The following PIR variants were observed in gnomAD, a reference collection of about 807,000 sequenced individuals.
PIR encodes pirin.
In PIR, 22 loss-of-function variants were observed where a neutral mutation model predicts 24.2. The observed-to-expected ratio is 0.91, with a 90% CI of 0.65 to 1.30. The LOEUF (loss-of-function observed/expected upper bound fraction) is 1.30, where lower values mean the gene tolerates loss of function less well. Among genes scored for constraint, PIR ranks in the 50% most tolerant of loss-of-function variants. The probability of loss-of-function intolerance (pLI) is 0.00; values close to 1 mark genes in which losing one functional copy is unlikely to be tolerated. For synonymous variants in PIR, 80 were observed against 79.6 expected (o/e 1.00, Z -0.03); for missense variants, 220 against 220.3 (o/e 1.00, Z 0.01).
At chrX:15,467,168 T>C (rs911464488) in intron 3 of PIR, among the ~76,000 whole-genome samples, 1 of 112,684 alleles carries the variant, frequency 8.9e-6, no homozygotes, top group Admixed American at 9.4e-5. Flanking sequence ...ACAAAGCATC[T>C]GATCCTGGAA....
Position 15,479,715 on chromosome X carries a change from A to G in PIR, c.189+14T>C, listed in dbSNP as rs753486737. The G allele has an allele frequency of 5.2e-6, 5 of 959,837 alleles. No homozygotes were observed. The highest frequency in any genetic ancestry group is 7.3e-6 in the Non-Finnish European group (5 of 686,374). The allele number at this position is 959,837 out of a possible 1,213,427, so 79.1% of individuals were successfully genotyped here. ...TCAAAATACACACTTCTGCAGTCAA[A>G]TTATTGTACTTACTGTTTCAAAACC... On this transcript the variant is annotated intron_variant, in intron 3 of 9. Transcript: ENST00000380420.
intron 2 of PIR, among the ~76,000 whole-genome samples, chrX:15,490,007 T>C (rs1252959562): frequency 9.0e-6 from 1 of 111,513 alleles, no homozygotes; most frequent in East Asian, 2.8e-4. Flanking sequence ...TTGCACAAAA[T>C]GGTGACTATA....
In PIR at chrX:15,446,544, C is replaced by T. The variant is rs764609673; in HGVS notation, c.480+9304G>A. On this transcript the variant is annotated intron_variant, in intron 5 of 9. Transcript: ENST00000380420. The stretch of plus-strand genomic sequence containing the variant: ...ATATAAATTTGCGTTGGGCCATATT[C>T]AAAGTTGTCCTGGGCCGCGAGTTGA... Among the ~76,000 whole-genome samples the T allele has an allele frequency of 9.8e-5, 11 of 111,972 alleles. No individual in the cohort carries two copies. In the South Asian group the frequency reaches 1.1e-3, roughly 11 times the overall value.
At chrX:15,447,213 T>C (rs776052942) in intron 5 of PIR, among the ~76,000 whole-genome samples, 18 of 112,708 alleles carry the variant, frequency 1.6e-4, no homozygotes, top group Admixed American at 1.3e-3. Flanking sequence ...CAAGGATTTC[T>C]GCTTTGGTCA....
intron 4 of PIR, 116 bp from the exon 5 acceptor site, chrX:15,456,170 C>G: frequency 1.6e-6 from 1 of 613,099 alleles, no homozygotes; most frequent in Non-Finnish European, 2.6e-6. Context: ...GCTATCAGAG[C>G]CCCTGGGCAT....
rs1569191440 is a variant in PIR, at chrX:15,390,198, T to C, written c.747A>G (p.Pro249=). 1 of 1,138,264 alleles carries C rather than the reference T, an allele frequency of 8.8e-7. No homozygotes were observed. The highest frequency in any genetic ancestry group is 1.2e-6 in the Non-Finnish European group (1 of 841,880). 93.8% of individuals were successfully genotyped at this position (1,138,264 alleles called of 1,213,427 possible). Residue 249 remains proline (P), a synonymous_variant, in exon 9 of 10, where the codon CCA becomes CCG. Coordinates refer to ENST00000380420, the MANE Select transcript of PIR (RefSeq NM_001018109.3). ...TTTTGGTCTTACCATGTTGGATAAC[T>C]GGTTCTCTTAATGGCTCCCCAGCAA... is the stretch of plus-strand genomic sequence containing the variant. ...VLIAGEPLRE[P]VIQHGPFVMN...
intron 3 of PIR, among the ~76,000 whole-genome samples, chrX:15,469,348 G>A (rs778081419): frequency 1.7e-3 from 185 of 110,684 alleles, no homozygotes; most frequent in African/African-American, 5.8e-3. Flanking sequence ...TCTTTCTTTC[G>A]TTCTGGCCCA....
chrX:15,480,379 T>C (rs1195293775), intron 2 of PIR, among the ~76,000 whole-genome samples: 3 of 111,820 alleles, frequency 2.7e-5, no homozygotes, highest in African/African-American at 9.8e-5. Flanking sequence ...ATTTACGGAT[T>C]GTGTTAGAGA....
chrX:15,432,972 G>C (rs180697097), intron 5 of PIR, among the ~76,000 whole-genome samples: 48 of 112,698 alleles, frequency 4.3e-4, no homozygotes, highest in Middle Eastern at 4.6e-3. Context: ...AGATGGAGAA[G>C]ACTGGAAGAG....
chrX:15,457,459 T>C (rs1344342098), intron 4 of PIR, among the ~76,000 whole-genome samples: 1 of 112,053 alleles, frequency 8.9e-6, no homozygotes, highest in Non-Finnish European at 1.9e-5. Flanking sequence ...ATGTCATGCA[T>C]ATCATTATTG....
At chrX:15,424,262 G>A (rs1399914559) in intron 6 of PIR, among the ~76,000 whole-genome samples, 1 of 112,135 alleles carries the variant, frequency 8.9e-6, no homozygotes, top group African/African-American at 3.2e-5. Context: ...GTCATCTGCA[G>A]CAACCTGGAG....
At chrX:15,414,309 C>T (rs1200999660) in intron 6 of PIR, among the ~76,000 whole-genome samples, 1 of 112,271 alleles carries the variant, frequency 8.9e-6, no homozygotes, top group Non-Finnish European at 1.9e-5. Flanking sequence ...CTCATCAAGA[C>T]ATTTAATAAA....
chrX:15,385,123 C>A lies in PIR; in HGVS notation c.761-7G>T. 1.0e-6 allele frequency: 1 copy of A among 975,387 alleles called. No individual in the cohort carries two copies. Among genetic ancestry groups the A allele is most frequent in the Non-Finnish European group, 1.4e-6 (1 of 690,361 alleles). 80.4% of individuals were successfully genotyped at this position (975,387 alleles called of 1,213,427 possible). On this transcript the variant is annotated splice_polypyrimidine_tract_variant and splice_region_variant and intron_variant, in intron 9 of 9. Coordinates refer to ENST00000380420, the MANE Select transcript of PIR (RefSeq NM_001018109.3). Reference sequence around the variant, plus strand: ...GTGTTCATCACAAATGGACCTAGGGCAGAAAGAGACATTCAGAAAGTTCTG... The same window carrying A: ...GTGTTCATCACAAATGGACCTAGGGAAGAAAGAGACATTCAGAAAGTTCTG...
chrX:15,488,274 G>A (rs754698526), intron 2 of PIR, among the ~76,000 whole-genome samples: 6 of 64,133 alleles, frequency 9.4e-5, no homozygotes, highest in African/African-American at 2.4e-4. Context: ...GCGAAACTCC[G>A]TCTCAAAAAA....
chrX:15,409,139 C>T (rs1339869509), intron 6 of PIR, among the ~76,000 whole-genome samples: 1 of 100,028 alleles, frequency 1.0e-5, no homozygotes, highest in African/African-American at 3.8e-5. Context: ...CACTCTGTTG[C>T]CCAGGCTGGA....
chrX:15,478,139 T>C (rs895732602), intron 3 of PIR, among the ~76,000 whole-genome samples: 1 of 110,414 alleles, frequency 9.1e-6, no homozygotes, highest in Non-Finnish European at 1.9e-5. Context: ...CAGTAGTTAC[T>C]ATCTCCACAC....
intron 6 of PIR, 42 bp downstream of exon 6, chrX:15,425,864 T>C (rs771437546): frequency 5.0e-6 from 4 of 798,755 alleles, no homozygotes; most frequent in Non-Finnish European, 7.4e-6. Context: ...CTTTTCTTTT[T>C]TTTTTCCTGA....
intron 3 of PIR, among the ~76,000 whole-genome samples, chrX:15,479,221 C>T (rs916888947): frequency 9.0e-5 from 10 of 111,377 alleles, no homozygotes; most frequent in Non-Finnish European, 1.7e-4. Context: ...TCTATAATTC[C>T]TTAGAAGTTA....
At chrX:15,474,287 A>T (rs1922084824) in intron 3 of PIR, among the ~76,000 whole-genome samples, 1 of 112,210 alleles carries the variant, frequency 8.9e-6, no homozygotes, top group South Asian at 3.7e-4. Context: ...GCAGTGTATG[A>T]GTGGTTGAAG....
Sources: allele counts gnomAD v4.1 joint callset (sites outside exome capture counted in the v4.1 genomes callset), GRCh38; gene constraint gnomAD v4.1.1; transcripts MANE v1.5; gene names NCBI Gene and HGNC (gene_info 2026-07-23, HGNC 2026-07-21).